Variants in AFG1L observed in about 807,000 individuals in gnomAD.
AFG1L encodes AFG1-like ATPase.
In AFG1L, 53 loss-of-function variants were observed where a neutral mutation model predicts 62.2. The observed-to-expected ratio is 0.85, with a 90% CI of 0.68 to 1.07. AFG1L has a LOEUF of 1.07. Among genes scored for constraint, AFG1L ranks in the 50% least tolerant of loss-of-function variants. AFG1L has a pLI of 0.00. For missense variants in AFG1L, 555 were observed against 590.5 expected (o/e 0.94, Z 0.62); for synonymous variants, 228 against 210.3 (o/e 1.08, Z -0.73).
intron 7 of AFG1L, among the ~76,000 whole-genome samples, 190 bp from the exon 8 acceptor site, chr6:108,447,024 G>A (rs755291130): frequency 3.9e-5 from 6 of 152,134 alleles, no homozygotes; most frequent in Non-Finnish European, 8.8e-5. Flanking sequence ...TATTTCAGTG[G>A]CTTGATATAT....
At chr6:108,456,303 C>T (rs956935813) in intron 8 of AFG1L, among the ~76,000 whole-genome samples, 1 of 151,986 alleles carries the variant, frequency 6.6e-6, no homozygotes, top group Non-Finnish European at 1.5e-5. Context: ...TTACTTTCAG[C>T]CTATCTGTGT....
intron 2 of AFG1L, among the ~76,000 whole-genome samples, chr6:108,337,956 C>T (rs1350035618): frequency 2.6e-5 from 4 of 152,188 alleles, no homozygotes; most frequent in South Asian, 2.1e-4. Flanking sequence ...GAGGCTGAGG[C>T]GGGAGAATCC....
intron 7 of AFG1L, among the ~76,000 whole-genome samples, chr6:108,405,006 A>G (rs1051724234): frequency 1.3e-5 from 2 of 152,164 alleles, no homozygotes; most frequent in African/African-American, 4.8e-5. Context: ...CTGGGAGTAC[A>G]GGTGTTAGCC....
chr6:108,359,825 C>T (rs994596281), intron 5 of AFG1L: 1 of 152,236 alleles, frequency 6.6e-6, no homozygotes, highest in Admixed American at 6.5e-5. Context: ...GTATTGTCCC[C>T]ATCCTGGAGT....
At chr6:108,438,718 A>G (rs1206778447) in intron 7 of AFG1L, among the ~76,000 whole-genome samples, 2 of 152,184 alleles carry the variant, frequency 1.3e-5, no homozygotes, top group South Asian at 2.1e-4. Context: ...TGATGCTTAA[A>G]TATCCCCCTT....
At chr6:108,454,882 G>T (rs1057400334) in intron 8 of AFG1L, among the ~76,000 whole-genome samples, 2 of 151,948 alleles carry the variant, frequency 1.3e-5, no homozygotes, top group African/African-American at 2.4e-5. Context: ...CAAGCAGTCC[G>T]CCTGCCTCGG....
At chr6:108,379,987 C>T (rs1195727928) in intron 6 of AFG1L, among the ~76,000 whole-genome samples, 2 of 151,902 alleles carry the variant, frequency 1.3e-5, no homozygotes, top group Admixed American at 1.3e-4. Flanking sequence ...GAGTGATGCT[C>T]CAGATGCCTG....
At chr6:108,308,793 C>T (rs963363682) in intron 1 of AFG1L, among the ~76,000 whole-genome samples, 2 of 152,106 alleles carry the variant, frequency 1.3e-5, no homozygotes, top group African/African-American at 4.8e-5. Flanking sequence ...AGCCTCTCCA[C>T]CTCCCAGGTT....
chr6:108,444,057 C>CATCTGTCTATCT (rs1554198623), intron 7 of AFG1L, among the ~76,000 whole-genome samples: 2 of 145,136 alleles, frequency 1.4e-5, no homozygotes, highest in Admixed American at 7.0e-5. Context: ...GAATATCTCC[C>CATCTGTCTATCT]ATCTATCTAT....
intron 1 of AFG1L, among the ~76,000 whole-genome samples, chr6:108,309,783 A>AG (rs199954832): frequency 0.019 from 2,835 of 152,258 alleles, 46 homozygotes; most frequent in Middle Eastern, 0.071. Flanking sequence ...AATAGAAAAA[A>AG]GAACACAAAA....
At chr6:108,384,290 C>T (rs1780670979) in intron 6 of AFG1L, among the ~76,000 whole-genome samples, 1 of 151,974 alleles carries the variant, frequency 6.6e-6, no homozygotes. Flanking sequence ...GAAATGGATC[C>T]CAGAGAGAAC....
At chr6:108,322,609 A>G (rs1777859736) in intron 1 of AFG1L, among the ~76,000 whole-genome samples, 1 of 152,158 alleles carries the variant, frequency 6.6e-6, no homozygotes, top group Non-Finnish European at 1.5e-5. Context: ...AGCCGTCCCT[A>G]TCTCCAACAT....
chr6:108,431,838 C>A lies in AFG1L; in HGVS notation c.808-15376C>A, dbSNP rs138718746. On this transcript the variant is annotated intron_variant, in intron 7 of 12. Coordinates refer to ENST00000368977, the MANE Select transcript of AFG1L (RefSeq NM_145315.5). ...ACCTCAAGTGATCCACCTGCCTCGG[C>A]CTCCCAAAGTGCTGGGATTATAGGC... 6.4e-3 allele frequency among the ~76,000 whole-genome samples: 980 copies of A among 151,992 alleles called. 5 individuals are homozygous for A. Among genetic ancestry groups the A allele is most frequent in the African/African-American group, 0.019 (803 of 41,440 alleles).
chr6:108,335,121 G>A (rs1275670240), intron 2 of AFG1L, among the ~76,000 whole-genome samples: 4 of 151,982 alleles, frequency 2.6e-5, no homozygotes, highest in Non-Finnish European at 5.9e-5. Context: ...AGCCTCCGAA[G>A]CAGCTGGGAT....
chr6:108,335,428 G>C (rs1778440126), intron 2 of AFG1L, among the ~76,000 whole-genome samples: 1 of 152,194 alleles, frequency 6.6e-6, no homozygotes, highest in African/African-American at 2.4e-5. Context: ...ATGTATCTGT[G>C]TGAGAGTGTA....
At chr6:108,510,722 T>G (rs757940641) in intron 11 of AFG1L, among the ~76,000 whole-genome samples, 1 of 152,190 alleles carries the variant, frequency 6.6e-6, no homozygotes, top group African/African-American at 2.4e-5. Context: ...AAACACAATG[T>G]CTTGCATAAA....
At chr6:108,359,871 G>A (rs1779454481) in intron 5 of AFG1L, 1 of 152,202 alleles carries the variant, frequency 6.6e-6, no homozygotes, top group Admixed American at 6.5e-5. Context: ...TGGATCTCCA[G>A]TGCCTATTTC....
intron 6 of AFG1L, among the ~76,000 whole-genome samples, chr6:108,399,666 A>C (rs2114622194): frequency 9.4e-6 from 1 of 105,864 alleles, no homozygotes; most frequent in East Asian, 2.9e-4. Context: ...CAGTTCTAAT[A>C]GTTTTCCTTT....
chr6:108,314,373 C>G (rs1050987196), intron 1 of AFG1L, among the ~76,000 whole-genome samples: 7 of 151,932 alleles, frequency 4.6e-5, no homozygotes, highest in Non-Finnish European at 8.8e-5. Flanking sequence ...ATCTTGTACC[C>G]TGATCAAAAC....
Sources: allele counts gnomAD v4.1 joint callset (sites outside exome capture counted in the v4.1 genomes callset), GRCh38; gene constraint gnomAD v4.1.1; transcripts MANE v1.5; gene names NCBI Gene and HGNC (gene_info 2026-07-23, HGNC 2026-07-21).